Variants in SIL1 observed in about 807,000 individuals in gnomAD.
SIL1 encodes the protein SIL1 nucleotide exchange factor.
A neutral mutation model predicts 49.1 loss-of-function variants in SIL1; 40 were observed. The ratio of observed to expected loss-of-function variants is 0.81; its 90% confidence interval spans 0.63 to 1.06. The LOEUF is 1.06. Among genes scored for constraint, SIL1 ranks in the 50% least tolerant of loss-of-function variants. The pLI, the probability that SIL1 is intolerant of heterozygous loss-of-function variation, is 0.00. For synonymous variants in SIL1, 253 were observed against 250.8 expected, an observed-to-expected ratio of 1.01 and a Z score of -0.08; for missense variants, 500 against 572.6, an observed-to-expected ratio of 0.87 and a Z score of 1.29.
At chr5:139,170,473 C>T (rs1751729756) in intron 1 of SIL1, among the ~76,000 whole-genome samples, 1 of 151,558 alleles carries the variant, frequency 6.6e-6, no homozygotes, top group Non-Finnish European at 1.5e-5. Flanking sequence ...AGCGTCTCTG[C>T]CCGGCCGCCC....
intron 3 of SIL1, among the ~76,000 whole-genome samples, chr5:139,060,822 C>T (rs552866209): frequency 7.9e-5 from 12 of 152,068 alleles, no homozygotes; most frequent in Non-Finnish European, 1.8e-4. Context: ...GACACAGACC[C>T]AGGAATGAAG....
intron 3 of SIL1, among the ~76,000 whole-genome samples, chr5:139,064,571 T>C (rs1769660535): frequency 6.6e-6 from 1 of 152,194 alleles, no homozygotes; most frequent in African/African-American, 2.4e-5. Flanking sequence ...CCTGTCAAAG[T>C]GTAATGACAA....
intron 6 of SIL1, among the ~76,000 whole-genome samples, chr5:139,025,012 T>C (rs779889650): frequency 3.3e-5 from 5 of 152,208 alleles, no homozygotes; most frequent in Non-Finnish European, 5.9e-5. Context: ...TATCTCGCCA[T>C]AGTTTCTATT....
At chr5:139,093,433 A>T (rs1406764114) in intron 3 of SIL1, among the ~76,000 whole-genome samples, 1 of 152,224 alleles carries the variant, frequency 6.6e-6, no homozygotes, top group Admixed American at 6.5e-5. Context: ...TTCAGAGCGC[A>T]GTTAGCTCCA....
chr5:139,104,683 C>A (rs1770662623), intron 3 of SIL1, among the ~76,000 whole-genome samples: 1 of 152,192 alleles, frequency 6.6e-6, no homozygotes, highest in Admixed American at 6.5e-5. Flanking sequence ...ACCTGTATAT[C>A]CAGATCCTTG....
intron 1 of SIL1, among the ~76,000 whole-genome samples, chr5:139,136,435 T>C (rs941462520): frequency 3.9e-5 from 6 of 152,204 alleles, no homozygotes; most frequent in African/African-American, 1.4e-4. Flanking sequence ...AGCGACTATC[T>C]TTCTAGGGAG....
chr5:139,082,238 A>G (rs1002730923), intron 3 of SIL1, among the ~76,000 whole-genome samples: 9 of 152,210 alleles, frequency 5.9e-5, no homozygotes, highest in Non-Finnish European at 1.5e-5. Context: ...GTCCCTGCCT[A>G]GAGCAGCCTT....
intron 3 of SIL1, among the ~76,000 whole-genome samples, chr5:139,107,825 G>C (rs1400583111): frequency 6.6e-6 from 1 of 152,138 alleles, no homozygotes; most frequent in East Asian, 1.9e-4. Flanking sequence ...AACATTTCAT[G>C]TTTACCTTAT....
At chr5:139,112,739 C>T (rs1317220446) in intron 3 of SIL1, among the ~76,000 whole-genome samples, 2 of 151,646 alleles carry the variant, frequency 1.3e-5, no homozygotes, top group Non-Finnish European at 2.9e-5. Context: ...CTCTGCCCGG[C>T]CGCCCCTTCT....
At chr5:139,079,275 AC>A (rs930099414) in intron 3 of SIL1, among the ~76,000 whole-genome samples, 3 of 152,188 alleles carry the variant, frequency 2.0e-5, no homozygotes, top group Non-Finnish European at 2.9e-5. Context: ...CACACTGAGT[AC>A]CTCCTGCCAG....
chr5:138,980,064 G>T (rs1767482188), intron 7 of SIL1, among the ~76,000 whole-genome samples: 1 of 152,216 alleles, frequency 6.6e-6, no homozygotes, highest in Admixed American at 6.5e-5. Context: ...ACCCCCAAAG[G>T]GGGCTCTAGG....
At chr5:139,082,787 C>T (rs970498273) in intron 3 of SIL1, among the ~76,000 whole-genome samples, 2 of 152,218 alleles carry the variant, frequency 1.3e-5, no homozygotes, top group Non-Finnish European at 2.9e-5. Flanking sequence ...AGTAGGAACA[C>T]ACGTGAAACT....
chr5:138,949,941 A>C (rs1047862781), intron 9 of SIL1, among the ~76,000 whole-genome samples: 10 of 152,318 alleles, frequency 6.6e-5, no homozygotes, highest in African/African-American at 2.4e-4. Context: ...GTCCTCCCTG[A>C]AAGAAGAGGG....
intron 3 of SIL1, among the ~76,000 whole-genome samples, chr5:139,104,741 G>C (rs1195148121): frequency 6.6e-6 from 1 of 152,152 alleles, no homozygotes; most frequent in East Asian, 1.9e-4. Context: ...TGATTCCCAG[G>C]TAGGCTGTGG....
At chr5:139,035,676 C>G (rs3925110) in intron 5 of SIL1, 104,838 of 249,290 alleles carry the variant, frequency 0.42, 23,436 homozygotes, top group African/African-American at 0.64. Flanking sequence ...TTGAGATGGA[C>G]TCCTGCTCAG....
intron 3 of SIL1, among the ~76,000 whole-genome samples, chr5:139,099,478 A>G (rs1368911179): frequency 6.6e-6 from 1 of 152,206 alleles, no homozygotes; most frequent in Non-Finnish European, 1.5e-5. Flanking sequence ...TCTGTACTCC[A>G]TGTTTGTAGC....
At chr5:139,084,087 T>G (rs1221117902) in intron 3 of SIL1, among the ~76,000 whole-genome samples, 3 of 149,890 alleles carry the variant, frequency 2.0e-5, no homozygotes, top group African/African-American at 7.4e-5. Flanking sequence ...ACTGTAGCCT[T>G]GTAGTATAGT....
At chr5:139,092,574 CAGGA>C (rs1159183542) in intron 3 of SIL1, among the ~76,000 whole-genome samples, 2 of 152,162 alleles carry the variant, frequency 1.3e-5, no homozygotes, top group Non-Finnish European at 2.9e-5. Context: ...TTGTGCCCAG[CAGGA>C]ACAGGCCTTT....
intron 7 of SIL1, among the ~76,000 whole-genome samples, chr5:138,997,143 T>C (rs1486813892): frequency 1.3e-5 from 2 of 152,148 alleles, no homozygotes; most frequent in African/African-American, 4.8e-5. Context: ...TTGCCCAGGC[T>C]GGTCTCAAAC....
Sources: gnomAD v4.1 joint callset for allele counts (sites outside exome capture counted in the v4.1 genomes callset) on GRCh38, gnomAD v4.1.1 for gene constraint, MANE v1.5 for transcripts, NCBI Gene and HGNC (gene_info 2026-07-23, HGNC 2026-07-21) for gene names.